Variants in MGAT4C observed in about 807,000 individuals in gnomAD.
MGAT4C encodes alpha-1,3-mannosyl-glycoprotein 4-beta-N-acetylglucosaminyltransferase C.
Under a neutral mutation model 40.1 loss-of-function variants are expected in MGAT4C, and 19 were observed. The observed-to-expected ratio is 0.47, with a 90% CI of 0.33 to 0.70. MGAT4C has a LOEUF of 0.70. Among genes scored for constraint, MGAT4C ranks in the 30% least tolerant of loss-of-function variants. The pLI, the probability that MGAT4C is intolerant of heterozygous loss-of-function variation, is 0.02. For missense variants in MGAT4C, 491 were observed against 563.2 expected, an observed-to-expected ratio of 0.87 and a Z score of 1.30; for synonymous variants, 181 against 187.1, an observed-to-expected ratio of 0.97 and a Z score of 0.27.
intron 1 of MGAT4C, among the ~76,000 whole-genome samples, chr12:86,095,808 T>C (rs1873812184): frequency 6.6e-6 from 1 of 151,858 alleles, no homozygotes; most frequent in South Asian, 2.1e-4. Context: ...TCTGTGATTT[T>C]TGATATTTGT....
chr12:86,421,342 A>G (rs1161474415), intron 3 of MGAT4C, among the ~76,000 whole-genome samples: 2 of 152,172 alleles, frequency 1.3e-5, no homozygotes, highest in Non-Finnish European at 2.9e-5. Flanking sequence ...CATTCATCAA[A>G]TTCATTATTC....
chr12:86,239,405 CAT>C (rs200074953), intron 1 of MGAT4C, among the ~76,000 whole-genome samples: 41 of 149,996 alleles, frequency 2.7e-4, no homozygotes, highest in African/African-American at 2.7e-4. Context: ...AAGCCACAGC[CAT>C]CTCTCTCTCT....
chr12:86,238,229 G>T (rs1486637318), intron 1 of MGAT4C, among the ~76,000 whole-genome samples: 2 of 151,916 alleles, frequency 1.3e-5, no homozygotes, highest in African/African-American at 4.8e-5. Flanking sequence ...TCAGTACATT[G>T]CATAGTCAAG....
intron 1 of MGAT4C, among the ~76,000 whole-genome samples, chr12:86,794,036 A>G (rs1233761867): frequency 6.6e-6 from 1 of 151,998 alleles, no homozygotes; most frequent in East Asian, 1.9e-4. Context: ...AAATTCAAAC[A>G]TATATAAAGG....
chr12:86,685,684 G>C (rs1250078550), intron 2 of MGAT4C, among the ~76,000 whole-genome samples: 1 of 152,036 alleles, frequency 6.6e-6, no homozygotes, highest in African/African-American at 2.4e-5. Context: ...TTTTCCATTT[G>C]TTTGTGCCCT....
chr12:86,750,693 G>A (rs1307316828), intron 1 of MGAT4C, among the ~76,000 whole-genome samples: 1 of 151,870 alleles, frequency 6.6e-6, no homozygotes, highest in Non-Finnish European at 1.5e-5. Context: ...TACTAATATA[G>A]GTAACTTGAC....
chr12:86,672,257 C>CCAAAAT (rs1212468266), intron 2 of MGAT4C, among the ~76,000 whole-genome samples: 5 of 151,852 alleles, frequency 3.3e-5, no homozygotes, highest in African/African-American at 9.7e-5. Flanking sequence ...AACACACATA[C>CCAAAAT]CAAAATCAAT....
chr12:86,244,390 G>A (rs1951927568), intron 1 of MGAT4C, among the ~76,000 whole-genome samples: 2 of 152,142 alleles, frequency 1.3e-5, no homozygotes, highest in African/African-American at 4.8e-5. Flanking sequence ...TCTAAAAGTA[G>A]CTTTATCTCT....
At position 86,091,901 on chromosome 12, in the gene MGAT4C, A is replaced by T. The variant is rs114103449; in HGVS notation, c.-56-42178T>A. ...AAAGCTACCCTTCCCTTTATCTAAT[A>T]ACAGTTCCCTTGAGAGAATCCCAAA... On this transcript the variant is annotated intron_variant, in intron 1 of 4. Transcript: ENST00000611864. Among the ~76,000 whole-genome samples, 422 of 152,234 alleles carry T rather than the reference A, an allele frequency of 2.8e-3. 3 individuals carry two copies. Among genetic ancestry groups the T allele is most frequent in the African/African-American group, 9.5e-3 (394 of 41,564 alleles).
intron 3 of MGAT4C, among the ~76,000 whole-genome samples, chr12:86,420,792 TATAC>T (rs1340553964): frequency 2.7e-5 from 4 of 148,856 alleles, no homozygotes; most frequent in Non-Finnish European, 4.5e-5. Context: ...TATATATATA[TATAC>T]ACACACACAT....
chr12:86,122,307 G>A (rs1339450230), intron 1 of MGAT4C, among the ~76,000 whole-genome samples: 6 of 151,816 alleles, frequency 4.0e-5, no homozygotes, highest in South Asian at 2.1e-4. Context: ...GCTCTTTTTC[G>A]GTTATTACTT....
intron 2 of MGAT4C, chr12:86,599,617 G>A (rs1344691273): frequency 2.0e-5 from 3 of 152,020 alleles, no homozygotes; most frequent in Non-Finnish European, 4.4e-5. Context: ...TCACATATCT[G>A]AGCTCACAGC....
intron 2 of MGAT4C, among the ~76,000 whole-genome samples, chr12:86,468,064 A>G (rs996120791): frequency 6.6e-6 from 1 of 152,110 alleles, no homozygotes; most frequent in Non-Finnish European, 1.5e-5. Context: ...GCATGTCTCA[A>G]ATGAATATCC....
At chr12:86,361,351 A>G (rs1311981004) in intron 3 of MGAT4C, among the ~76,000 whole-genome samples, 1 of 152,194 alleles carries the variant, frequency 6.6e-6, no homozygotes, top group Non-Finnish European at 1.5e-5. Flanking sequence ...TGGATTAAAG[A>G]CTTAAATGTT....
intron 1 of MGAT4C, among the ~76,000 whole-genome samples, chr12:86,806,595 A>T (rs527794377): frequency 6.6e-6 from 1 of 151,942 alleles, no homozygotes; most frequent in Non-Finnish European, 1.5e-5. Flanking sequence ...TACCACGCCC[A>T]TCTCTTCCTG....
At chr12:86,009,022 T>C (rs565354762) in intron 2 of MGAT4C, among the ~76,000 whole-genome samples, 1 of 152,228 alleles carries the variant, frequency 6.6e-6, no homozygotes, top group East Asian at 1.9e-4. Flanking sequence ...TCAGAAATAT[T>C]GATATGTAAT....
chr12:86,123,274 A>T (rs1879727914), intron 1 of MGAT4C, among the ~76,000 whole-genome samples: 1 of 152,144 alleles, frequency 6.6e-6, no homozygotes. Context: ...GTCCTGAGAG[A>T]TTTGACAGTG....
intron 1 of MGAT4C, among the ~76,000 whole-genome samples, chr12:86,212,693 C>G (rs1593249571): frequency 6.8e-6 from 1 of 147,014 alleles, no homozygotes; most frequent in African/African-American, 2.5e-5. Flanking sequence ...TCGAGACCAT[C>G]CCGGCTAAAA....
At chr12:86,296,819 G>C (rs1171036345) in intron 4 of MGAT4C, among the ~76,000 whole-genome samples, 3 of 152,210 alleles carry the variant, frequency 2.0e-5, no homozygotes, top group Non-Finnish European at 4.4e-5. Context: ...TCTGGCCTTG[G>C]CCAGCCCAGA....
Sources: allele counts gnomAD v4.1 joint callset (sites outside exome capture counted in the v4.1 genomes callset), GRCh38; gene constraint gnomAD v4.1.1; transcripts MANE v1.5; gene names NCBI Gene and HGNC (gene_info 2026-07-23, HGNC 2026-07-21).